The following OPCML variants were observed in gnomAD, a reference collection of about 807,000 sequenced individuals.
The protein encoded by OPCML is opioid binding protein/cell adhesion molecule like.
Under a neutral mutation model 37.8 loss-of-function variants are expected in OPCML, and 13 were observed. That is an observed-to-expected ratio of 0.34 (90% confidence interval 0.22 to 0.55). OPCML has a LOEUF of 0.55. Among genes scored for constraint, OPCML ranks in the 20% least tolerant of loss-of-function variants. OPCML has a pLI of 0.91. For synonymous variants in OPCML, 176 were observed against 168.8 expected, an observed-to-expected ratio of 1.04 and a Z score of -0.33; for missense variants, 341 against 435.6, an observed-to-expected ratio of 0.78 and a Z score of 1.93.
intron 1 of OPCML, among the ~76,000 whole-genome samples, chr11:133,322,595 A>T (rs1943358249): frequency 6.6e-6 from 1 of 152,148 alleles, no homozygotes; most frequent in Non-Finnish European, 1.5e-5. Context: ...CAGAACAACC[A>T]CAAAAAAAAA....
chr11:133,218,932 C>T (rs1239443572), intron 1 of OPCML, among the ~76,000 whole-genome samples: 2 of 152,148 alleles, frequency 1.3e-5, no homozygotes, highest in African/African-American at 4.8e-5. Flanking sequence ...AGCCCATAAG[C>T]CTATAATCCT....
At chr11:133,270,891 C>G (rs544618170) in intron 1 of OPCML, among the ~76,000 whole-genome samples, 5 of 152,228 alleles carry the variant, frequency 3.3e-5, no homozygotes, top group Admixed American at 1.3e-4. Context: ...TATACAAGGC[C>G]CAGAGAGATT....
intron 1 of OPCML, among the ~76,000 whole-genome samples, chr11:133,477,093 G>T (rs1371969504): frequency 6.6e-6 from 1 of 152,146 alleles, no homozygotes; most frequent in Non-Finnish European, 1.5e-5. Context: ...CAAGCCAGCA[G>T]TGCCCCCTGC....
rs533086791 is a variant in OPCML at position 133,037,888 on chromosome 11, G to T, written c.62-94878C>A. Reference sequence around the variant, plus strand: ...TCTTAATGGGTGACCCTAACTGAGCGTCTCTCACACTCTTGCCCCTTCTGG... The same window carrying T: ...TCTTAATGGGTGACCCTAACTGAGCTTCTCTCACACTCTTGCCCCTTCTGG... On this transcript the variant is annotated intron_variant, in intron 1 of 7. Coordinates refer to ENST00000524381, the MANE Select transcript of OPCML (RefSeq NM_001012393.5). Among the ~76,000 whole-genome samples the T allele has an allele frequency of 3.9e-5, 6 of 152,302 alleles. No individual in the cohort carries two copies. In the South Asian group the frequency reaches 1.2e-3, roughly 32 times the overall value.
intron 1 of OPCML, among the ~76,000 whole-genome samples, chr11:133,510,543 A>G (rs1438839495): frequency 6.6e-6 from 1 of 152,192 alleles, no homozygotes; most frequent in Non-Finnish European, 1.5e-5. Flanking sequence ...CCAGCACTAA[A>G]TACTTAAGGG....
chr11:133,266,733 T>C (rs1029485756), intron 1 of OPCML, among the ~76,000 whole-genome samples: 1 of 152,102 alleles, frequency 6.6e-6, no homozygotes, highest in African/African-American at 2.4e-5. Flanking sequence ...GGAATGAGGA[T>C]GGGTTGAGTA....
intron 1 of OPCML, among the ~76,000 whole-genome samples, chr11:133,312,843 G>A (rs1943098060): frequency 6.6e-6 from 1 of 152,102 alleles, no homozygotes; most frequent in South Asian, 2.1e-4. Context: ...TTAAGCCTCA[G>A]TTTTCTTATC....
intron 2 of OPCML, among the ~76,000 whole-genome samples, chr11:132,852,627 A>C (rs960733596): frequency 1.3e-5 from 2 of 152,060 alleles, no homozygotes; most frequent in Non-Finnish European, 2.9e-5. Context: ...AAAAAGAGAG[A>C]GAGAAGAAAA....
At chr11:132,542,046 C>T (rs1362435302) in intron 3 of OPCML, among the ~76,000 whole-genome samples, 1 of 152,156 alleles carries the variant, frequency 6.6e-6, no homozygotes, top group African/African-American at 2.4e-5. Flanking sequence ...AATTCCTAGA[C>T]CTGTCATTTA....
chr11:132,789,766 A>G (rs773855034), intron 2 of OPCML, among the ~76,000 whole-genome samples: 1 of 152,238 alleles, frequency 6.6e-6, no homozygotes, highest in Non-Finnish European at 1.5e-5. Flanking sequence ...GTTCAAAGCA[A>G]AGCTCGCTGC....
intron 4 of OPCML, among the ~76,000 whole-genome samples, chr11:132,520,992 A>G (rs775729072): frequency 2.0e-5 from 3 of 152,056 alleles, no homozygotes; most frequent in Non-Finnish European, 2.9e-5. Flanking sequence ...TGAACTAATT[A>G]ATACTCCCAC....
At chr11:132,913,726 T>G (rs1018121774) in intron 2 of OPCML, among the ~76,000 whole-genome samples, 2 of 152,198 alleles carry the variant, frequency 1.3e-5, no homozygotes, top group African/African-American at 2.4e-5. Context: ...TGGCTCCTTC[T>G]GAAATGACCC....
chr11:132,507,060 C>T (rs988456496), intron 4 of OPCML, among the ~76,000 whole-genome samples: 1 of 147,750 alleles, frequency 6.8e-6, no homozygotes, highest in African/African-American at 2.5e-5. Context: ...GTAGGAAATA[C>T]AATCTTAAAG....
chr11:132,436,571 C>G, intron 6 of OPCML, 88 bp downstream of exon 6: 1 of 1,563,708 alleles, frequency 6.4e-7, no homozygotes, highest in East Asian at 2.3e-5. Context: ...CCTTATCTTT[C>G]CCCTTTTCTT....
intron 2 of OPCML, among the ~76,000 whole-genome samples, chr11:132,793,021 C>T (rs1045725659): frequency 9.9e-5 from 15 of 152,192 alleles, no homozygotes; most frequent in African/African-American, 3.4e-4. Context: ...GCGATACGGG[C>T]AGCGGCGGGC....
At chr11:132,994,430 G>A (rs1176195145) in intron 1 of OPCML, among the ~76,000 whole-genome samples, 4 of 152,210 alleles carry the variant, frequency 2.6e-5, no homozygotes, top group Non-Finnish European at 5.9e-5. Flanking sequence ...CCTCACCGGA[G>A]GAGCTGCTGG....
At chr11:132,797,592 G>A (rs965800497) in intron 2 of OPCML, among the ~76,000 whole-genome samples, 7 of 151,874 alleles carry the variant, frequency 4.6e-5, no homozygotes, top group African/African-American at 1.7e-4. Flanking sequence ...TAAATATTTT[G>A]GTTTTCCAGT....
chr11:132,501,384 A>T (rs1161754385), intron 4 of OPCML, among the ~76,000 whole-genome samples: 1 of 152,228 alleles, frequency 6.6e-6, no homozygotes, highest in Admixed American at 6.5e-5. Context: ...GACAAATGGG[A>T]TGGTTCCCTT....
In OPCML at chr11:132,963,054, G is replaced by A. The variant is rs146907842; in HGVS notation, c.62-20044C>T. On this transcript the variant is annotated intron_variant, in intron 1 of 7. Coordinates refer to ENST00000524381, the MANE Select transcript of OPCML (RefSeq NM_001012393.5). Reference sequence around the variant, plus strand: ...CGTGACCACCCCTGGGCTCCAACACGGGAAACTGGCATGTCATTATCCACC... The same window carrying A: ...CGTGACCACCCCTGGGCTCCAACACAGGAAACTGGCATGTCATTATCCACC... 1.3e-3 allele frequency among the ~76,000 whole-genome samples: 191 copies of A among 152,188 alleles called. 2 individuals carry two copies. Among genetic ancestry groups the A allele is most frequent in the African/African-American group, 4.5e-3 (186 of 41,526 alleles).
Sources: allele counts gnomAD v4.1 joint callset (sites outside exome capture counted in the v4.1 genomes callset), GRCh38; gene constraint gnomAD v4.1.1; transcripts MANE v1.5; gene names NCBI Gene and HGNC (gene_info 2026-07-23, HGNC 2026-07-21).